Variants in DRC1 observed in about 807,000 individuals in gnomAD.
DRC1 encodes dynein regulatory complex subunit 1, also known as dynein regulatory complex protein 1.
A neutral mutation model predicts 98.7 loss-of-function variants in DRC1; 74 were observed. The observed-to-expected ratio is 0.75, with a 90% CI of 0.62 to 0.91. DRC1 has a LOEUF of 0.91. DRC1 is among the 40% of genes least tolerant of loss of function. DRC1 has a pLI of 0.00. For synonymous variants in DRC1, 336 were observed against 334.1 expected (o/e 1.01, Z -0.06); for missense variants, 875 against 886.0 (o/e 0.99, Z 0.16).
At chr2:26,455,287 G>A (rs960393295) in intron 16 of DRC1, 54 bp downstream of exon 16, 1 of 1,554,460 alleles carries the variant, frequency 6.4e-7, no homozygotes, top group Non-Finnish European at 8.8e-7. Flanking sequence ...GTGGGGCAGG[G>A]GCACTGGAGC....
intron 13 of DRC1, among the ~76,000 whole-genome samples, chr2:26,451,920 C>A (rs998757914): frequency 6.6e-6 from 1 of 152,008 alleles, no homozygotes; most frequent in African/African-American, 2.4e-5. Flanking sequence ...TCTCTGAAAT[C>A]AATAAGAAAA....
intron 10 of DRC1, among the ~76,000 whole-genome samples, chr2:26,445,270 T>C (rs1163862159): frequency 1.3e-5 from 2 of 152,240 alleles, no homozygotes; most frequent in Non-Finnish European, 2.9e-5. Context: ...TTGTCTAAGA[T>C]CCATTAACTG....
At position 26,454,662 on chromosome 2, in the gene DRC1, G is replaced by A. The variant is rs561986345; in HGVS notation, c.1935G>A (p.Pro645=). Residue 645 remains proline, a synonymous_variant, in exon 15 of 17, where the codon CCG becomes CCA. Coordinates refer to ENST00000288710, the MANE Select transcript of DRC1 (RefSeq NM_145038.5). The surrounding 1 kb of genome is among the most constrained non-coding windows in gnomAD (Gnocchi z 5.2). The part of the protein sequence containing the change: ...GLKKPRDSRA[P]LRVQKNVRDN... ...TGGCCTTCAGGGACTCGCGGGCCCCGCTGAGGGTACAGAAGAATGTGCGTG... is the reference window on the plus strand; with the variant it reads ...TGGCCTTCAGGGACTCGCGGGCCCCACTGAGGGTACAGAAGAATGTGCGTG... 43 of 1,614,084 alleles carry A rather than the reference G, an allele frequency of 2.7e-5. No homozygotes were observed. The highest frequency in any genetic ancestry group is 2.0e-4 in the East Asian group (9 of 44,870).
chr2:26,435,214 A>C (rs1353213458), intron 7 of DRC1, among the ~76,000 whole-genome samples: 1 of 152,174 alleles, frequency 6.6e-6, no homozygotes, highest in East Asian at 1.9e-4. Flanking sequence ...TCCAGGAAAA[A>C]GGAGGGAAGG....
intron 5 of DRC1, chr2:26,430,536 A>G (rs1448908327): frequency 1.8e-6 from 1 of 571,096 alleles, no homozygotes; most frequent in Non-Finnish European, 3.4e-6. Context: ...TGCCTCTGAT[A>G]TTGACTAAGC....
chr2:26,410,981 C>A (rs920491308), intron 1 of DRC1, among the ~76,000 whole-genome samples: 1 of 152,230 alleles, frequency 6.6e-6, no homozygotes, highest in African/African-American at 2.4e-5. Flanking sequence ...ACCTAGAACT[C>A]TAAACCCAGG....
At chr2:26,455,715 A>G (rs1206183580) in intron 16 of DRC1, among the ~76,000 whole-genome samples, 1 of 152,262 alleles carries the variant, frequency 6.6e-6, no homozygotes, top group Admixed American at 6.5e-5. Flanking sequence ...TGCCTGGGAT[A>G]TGACTGGAGG....
chr2:26,430,600 G>A (rs1663408709), intron 5 of DRC1, 186 bp from the exon 6 acceptor site: 1 of 713,662 alleles, frequency 1.4e-6, no homozygotes, highest in Non-Finnish European at 2.6e-6. Context: ...TCTTCATAAT[G>A]CTAATTTCCA....
intron 2 of DRC1, among the ~76,000 whole-genome samples, chr2:26,416,945 G>A (rs1678825432): frequency 6.6e-6 from 1 of 152,162 alleles, no homozygotes; most frequent in South Asian, 2.1e-4. Flanking sequence ...AGAAGGCAAA[G>A]GGGAAGCAGG....
Position 26,454,755 on chromosome 2 carries a change from C to T in DRC1, c.2028C>T (p.Leu676=). 1 of 1,614,144 alleles carries T rather than the reference C, an allele frequency of 6.2e-7. No individual in the cohort carries two copies. The highest frequency in any genetic ancestry group is 8.5e-7 in the Non-Finnish European group (1 of 1,180,022). ...TGATCCCTTCCTCCAAGCAGAACCT[C>T]TGGGATGCCCTCTACACAGCCTTGG... is the stretch of plus-strand genomic sequence containing the variant. The part of the protein sequence containing the change: ...TTVIPSSKQN[L]WDALYTALEK... The change falls in exon 15 of 17, where the codon CTC becomes CTT. Residue 676 remains leucine, a synonymous_variant. Coordinates refer to ENST00000288710, the MANE Select transcript of DRC1 (RefSeq NM_145038.5). This position sits in a 1 kb window ranked among gnomAD's most constrained non-coding sequence, Gnocchi z 5.2.
chr2:26,449,976 G>A lies in DRC1; in HGVS notation c.1510-20G>A, dbSNP rs1432339734. 1.2e-6 allele frequency: 2 copies of A among 1,612,086 alleles called. No homozygotes were observed. The highest frequency in any genetic ancestry group is 8.5e-7 in the Non-Finnish European group (1 of 1,178,916). On this transcript the variant is annotated intron_variant, in intron 11 of 16. Transcript: ENST00000288710. ...CTGAAACCTGTCCCCGACAGGAGAT[G>A]CCTTCTTCCTTCTCCCCAGGGGTTC...
At chr2:26,449,495 T>G (rs1663944199) in intron 11 of DRC1, among the ~76,000 whole-genome samples, 1 of 152,230 alleles carries the variant, frequency 6.6e-6, no homozygotes, top group African/African-American at 2.4e-5. Flanking sequence ...CCCCCAGGCA[T>G]CCCAGCTCAG....
intron 1 of DRC1, among the ~76,000 whole-genome samples, chr2:26,409,132 A>G (rs1678517589): frequency 1.3e-5 from 2 of 149,870 alleles, no homozygotes; most frequent in African/African-American, 4.9e-5. Context: ...GAGTCCTGCT[A>G]TGTTGCCCAG....
intron 2 of DRC1, among the ~76,000 whole-genome samples, chr2:26,416,301 T>G (rs1201360460): frequency 6.6e-6 from 1 of 151,992 alleles, no homozygotes; most frequent in Non-Finnish European, 1.5e-5. Context: ...CAGGCTGGAG[T>G]GCAGTGGTGC....
chr2:26,409,912 A>G (rs1379733258), intron 1 of DRC1, among the ~76,000 whole-genome samples: 1 of 152,150 alleles, frequency 6.6e-6, no homozygotes, highest in African/African-American at 2.4e-5. Flanking sequence ...TAACAAAGAG[A>G]AAAAAGCACC....
intron 10 of DRC1, among the ~76,000 whole-genome samples, chr2:26,446,068 G>A (rs1184394857): frequency 6.6e-6 from 1 of 151,176 alleles, no homozygotes. Context: ...TTTCTCCAAG[G>A]ATCCCCTGGT....
chr2:26,438,183 G>A (rs1170486651), intron 7 of DRC1, among the ~76,000 whole-genome samples: 1 of 151,550 alleles, frequency 6.6e-6, no homozygotes, highest in Non-Finnish European at 1.5e-5. Flanking sequence ...ATTGAGGGAG[G>A]AAAGTAGGAT....
intron 8 of DRC1, among the ~76,000 whole-genome samples, chr2:26,441,530 T>G (rs1025089893): frequency 3.3e-5 from 5 of 151,110 alleles, no homozygotes; most frequent in African/African-American, 1.2e-4. Context: ...AAGGCACACA[T>G]CAATACAGTG....
intron 1 of DRC1, among the ~76,000 whole-genome samples, chr2:26,414,096 A>G (rs1678713774): frequency 7.2e-6 from 1 of 139,696 alleles, no homozygotes; most frequent in Admixed American, 7.5e-5. Context: ...ATATATTTAT[A>G]TATGAAGTAC....
Sources: allele counts gnomAD v4.1 joint callset (sites outside exome capture counted in the v4.1 genomes callset), GRCh38; gene constraint gnomAD v4.1.1; non-coding constraint Gnocchi (gnomAD v3.1); transcripts MANE v1.5; gene names NCBI Gene and HGNC (gene_info 2026-07-23, HGNC 2026-07-21).